Variants in GATAD2A observed in about 807,000 individuals in gnomAD.
The protein encoded by GATAD2A is transcriptional repressor p66-alpha.
In GATAD2A, 12 loss-of-function variants were observed where a neutral mutation model predicts 68.5. That is an observed-to-expected ratio of 0.18 (90% CI 0.11 to 0.28). The LOEUF is 0.28. GATAD2A is among the 10% of genes least tolerant of loss of function. GATAD2A has a pLI of 1.00. For missense variants in GATAD2A, 755 were observed against 868.5 expected, an observed-to-expected ratio of 0.87 and a Z score of 1.64; for synonymous variants, 410 against 375.3, an observed-to-expected ratio of 1.09 and a Z score of -1.07.
intron 7 of GATAD2A, 85 bp downstream of exon 7, chr19:19,496,304 A>G (rs2060144369): frequency 8.0e-7 from 1 of 1,256,382 alleles, no homozygotes; most frequent in Admixed American, 1.7e-5. Flanking sequence ...GGGGCACAGT[A>G]GTGTTTCCCT....
At chr19:19,414,093 TAGG>T (rs1436418020) in intron 1 of GATAD2A, among the ~76,000 whole-genome samples, 5 of 152,180 alleles carry the variant, frequency 3.3e-5, no homozygotes, top group Non-Finnish European at 7.3e-5. Flanking sequence ...ATGTTGGTGG[TAGG>T]AGTTGCCTGG....
intron 4 of GATAD2A, 129 bp downstream of exon 4, chr19:19,492,841 C>T: frequency 1.2e-6 from 1 of 824,258 alleles, no homozygotes; most frequent in Non-Finnish European, 1.9e-6. Context: ...AGGTCCCACT[C>T]CCGCATTTGT....
At chr19:19,419,874 A>C (rs1568718590) in intron 1 of GATAD2A, among the ~76,000 whole-genome samples, 1 of 152,062 alleles carries the variant, frequency 6.6e-6, no homozygotes, top group Non-Finnish European at 1.5e-5. Flanking sequence ...ATCCAGTCCT[A>C]GGACCGTCTC....
At chr19:19,496,301 A>G (rs964101106) in intron 7 of GATAD2A, 82 bp downstream of exon 7, 60 of 1,289,514 alleles carry the variant, frequency 4.7e-5, no homozygotes, top group Non-Finnish European at 6.2e-5. Context: ...TCTGGGGCAC[A>G]GTAGTGTTTC....
At chr19:19,482,423 G>T (rs907826369) in intron 2 of GATAD2A, among the ~76,000 whole-genome samples, 10 of 152,148 alleles carry the variant, frequency 6.6e-5, no homozygotes, top group African/African-American at 2.4e-4. Context: ...GATATTTGAT[G>T]ACCTGAATTA....
At chr19:19,424,735 G>A (rs1011126365) in intron 1 of GATAD2A, among the ~76,000 whole-genome samples, 6 of 152,180 alleles carry the variant, frequency 3.9e-5, no homozygotes, top group South Asian at 2.1e-4. Flanking sequence ...CAGAGGCAGC[G>A]ACTGTGCTGT....
chr19:19,400,080 G>A (rs1049398590), intron 1 of GATAD2A, among the ~76,000 whole-genome samples: 1 of 151,886 alleles, frequency 6.6e-6, no homozygotes, highest in African/African-American at 2.4e-5. Context: ...CAAATTAGGT[G>A]GGAATTTTTT....
At chr19:19,473,878 C>T (rs2058490259) in intron 2 of GATAD2A, among the ~76,000 whole-genome samples, 1 of 151,962 alleles carries the variant, frequency 6.6e-6, no homozygotes, top group Non-Finnish European at 1.5e-5. Context: ...CTCGGGAGGT[C>T]AGGCTTGCAG....
In GATAD2A at chr19:19,495,769, A is replaced by G; in HGVS notation, c.640A>G (p.Met214Val). 1 of 1,611,410 alleles carries G rather than the reference A, an allele frequency of 6.2e-7. No homozygotes were observed. Among genetic ancestry groups the G allele is most frequent in the Admixed American group, 1.7e-5 (1 of 59,926 alleles). Residue 214 changes from methionine to valine, a missense_variant, in exon 6 of 12, where the codon ATG becomes GTG. Coordinates refer to ENST00000683918, the MANE Select transcript of GATAD2A (RefSeq NM_001384528.1). Reference sequence around the variant, plus strand: ...TCGTTGGCAGACCTCTTCAGCTCGGATGCCCGGCAGTGTCATACCCCCGCC... The same window carrying G: ...TCGTTGGCAGACCTCTTCAGCTCGGGTGCCCGGCAGTGTCATACCCCCGCC... ...KPSLQTSSAR[M>V]PGSVIPPPLV...
chr19:19,477,041 G>T (rs1245757862), intron 2 of GATAD2A, among the ~76,000 whole-genome samples: 3 of 152,198 alleles, frequency 2.0e-5, no homozygotes, highest in African/African-American at 7.2e-5. Context: ...CTTTGTGAAT[G>T]CCTCTTGTCT....
At chr19:19,460,890 G>T (rs2057371450) in intron 1 of GATAD2A, among the ~76,000 whole-genome samples, 1 of 152,130 alleles carries the variant, frequency 6.6e-6, no homozygotes, top group Non-Finnish European at 1.5e-5. Context: ...CTCCGCTCAG[G>T]CCCTGTCTCC....
At chr19:19,417,662 G>A (rs1430921746) in intron 1 of GATAD2A, among the ~76,000 whole-genome samples, 1 of 152,168 alleles carries the variant, frequency 6.6e-6, no homozygotes, top group Non-Finnish European at 1.5e-5. Flanking sequence ...CTCAAAATAT[G>A]GAGAGCCCTC....
At chr19:19,411,216 G>A (rs1012616362) in intron 1 of GATAD2A, among the ~76,000 whole-genome samples, 3 of 152,310 alleles carry the variant, frequency 2.0e-5, no homozygotes, top group Middle Eastern at 3.4e-3. Flanking sequence ...ATTATTCGGC[G>A]GCTGGGACCC....
At chr19:19,401,962 A>G (rs1031173477), upstream of GATAD2A, 4 of 152,270 alleles carry the variant, frequency 2.6e-5, no homozygotes, top group Admixed American at 6.5e-5. Context: ...CCATTAGTCT[A>G]TTTTTGCTGT....
chr19:19,410,625 A>C (rs1344213332), intron 1 of GATAD2A, among the ~76,000 whole-genome samples: 1 of 152,198 alleles, frequency 6.6e-6, no homozygotes, highest in Non-Finnish European at 1.5e-5. Flanking sequence ...ACACTTTAAA[A>C]ATACTGCTGC....
chr19:19,435,678 C>T (rs962540654), intron 1 of GATAD2A, among the ~76,000 whole-genome samples: 8 of 152,082 alleles, frequency 5.3e-5, no homozygotes, highest in Non-Finnish European at 8.8e-5. Flanking sequence ...GGCAAAACCC[C>T]GTCTCTACTA....
upstream of GATAD2A, among the ~76,000 whole-genome samples, chr19:19,401,539 A>G (rs1425009626): frequency 6.6e-6 from 1 of 151,910 alleles, no homozygotes; most frequent in African/African-American, 2.4e-5. Flanking sequence ...TTATGAATAC[A>G]TTTTCTGCAT....
intron 1 of GATAD2A, among the ~76,000 whole-genome samples, chr19:19,393,316 AAATT>A (rs796321771): frequency 6.6e-5 from 10 of 152,288 alleles, no homozygotes; most frequent in African/African-American, 2.4e-4. Flanking sequence ...AAAAAAAAAA[AAATT>A]ATAAGGGACA....
chr19:19,409,593 C>T (rs1225647754), intron 1 of GATAD2A, among the ~76,000 whole-genome samples: 1 of 152,138 alleles, frequency 6.6e-6, no homozygotes, highest in Non-Finnish European at 1.5e-5. Context: ...TCCAGGTTAA[C>T]AGGACTTAAG....
Sources: gnomAD v4.1 joint callset for allele counts (sites outside exome capture counted in the v4.1 genomes callset) on GRCh38, gnomAD v4.1.1 for gene constraint, MANE v1.5 for transcripts, NCBI Gene and HGNC (gene_info 2026-07-23, HGNC 2026-07-21) for gene names.